SPRTN: variants seen among roughly 807,000 people sequenced by gnomAD.
SPRTN encodes the protein SprT-like N-terminal domain, also known as DNA-dependent metalloprotease SPRTN.
Under a neutral mutation model 31.9 loss-of-function variants are expected in SPRTN, and 11 were observed. The ratio of observed to expected loss-of-function variants is 0.34; its 90% CI spans 0.22 to 0.57. The LOEUF (loss-of-function observed/expected upper bound fraction) is 0.57, where lower values mean the gene tolerates loss of function less well. Among genes scored for constraint, SPRTN ranks in the 20% least tolerant of loss-of-function variants. The pLI, the probability that SPRTN is intolerant of heterozygous loss-of-function variation, is 0.86. For synonymous variants in SPRTN, 185 were observed against 212.1 expected, an observed-to-expected ratio of 0.87 and a Z score of 1.11; for missense variants, 482 against 590.1, an observed-to-expected ratio of 0.82 and a Z score of 1.90.
intron 2 of SPRTN, among the ~76,000 whole-genome samples, chr1:231,346,054 A>G (rs1363605843): frequency 1.3e-5 from 2 of 151,902 alleles, no homozygotes; most frequent in African/African-American, 2.4e-5. Flanking sequence ...GCCTCGAGCA[A>G]TCCTCCCACC....
chr1:231,340,324 G>A (rs976799703), intron 2 of SPRTN, among the ~76,000 whole-genome samples: 7 of 152,248 alleles, frequency 4.6e-5, no homozygotes, highest in East Asian at 3.9e-4. Context: ...CCGAGATCGC[G>A]CCACTGCACT....
chr1:231,347,682 T>A, intron 2 of SPRTN, 115 bp from the exon 3 acceptor site: 8 of 1,269,748 alleles, frequency 6.3e-6, no homozygotes, highest in Non-Finnish European at 8.5e-6. Context: ...GTTTTATCAG[T>A]TCTGAAGGAA....
At position 231,354,353 on chromosome 1, in the gene SPRTN, C is replaced by T; in HGVS notation, c.*992C>T. On this transcript the variant is annotated 3_prime_UTR_variant, in exon 5 of 5. Transcript: ENST00000295050. ...GTGGCTGTACATGCTGTTGGCATAG[C>T]CCTAACACAGTTGTTCACAAGTTTT... The T allele has an allele frequency of 1.6e-5, 16 of 985,232 alleles. No individual in the cohort carries two copies. The highest frequency in any genetic ancestry group is 1.9e-5 in the Non-Finnish European group (16 of 829,798). 61.0% of individuals were successfully genotyped at this position (985,232 alleles called of 1,614,324 possible). A position where few individuals can be genotyped will look rare whatever the true frequency, so the allele number is the denominator to read the frequency against.
At chr1:231,349,903 T>G (rs566565856) in intron 3 of SPRTN, among the ~76,000 whole-genome samples, 48 of 152,206 alleles carry the variant, frequency 3.2e-4, no homozygotes, top group African/African-American at 1.1e-3. Context: ...TCGCGGCTAC[T>G]CGAGAGGCAG....
At chr1:231,350,186 T>G (rs1192511592) in intron 3 of SPRTN, among the ~76,000 whole-genome samples, 1 of 152,238 alleles carries the variant, frequency 6.6e-6, no homozygotes, top group Non-Finnish European at 1.5e-5. Flanking sequence ...CAAGTAGAAA[T>G]TTTTTGCTTA....
intron 2 of SPRTN, among the ~76,000 whole-genome samples, chr1:231,346,644 T>C (rs531553811): frequency 3.5e-4 from 53 of 152,302 alleles, no homozygotes; most frequent in African/African-American, 1.2e-3. Flanking sequence ...TTTTTTCCTA[T>C]AGAATTTTAA....
In SPRTN at chr1:231,351,210, A is replaced by T; in HGVS notation, c.451-94A>T. ...TCTGGGAAAGTTTCAAAAATTAAAA[A>T]AAAAAAAAAAAAAAAAAAAGACTGC... On this transcript the variant is annotated intron_variant, in intron 3 of 4. Coordinates refer to ENST00000295050, the MANE Select transcript of SPRTN (RefSeq NM_032018.7). 31 of 884,296 alleles carry T rather than the reference A, an allele frequency of 3.5e-5. No individual in the cohort carries two copies. The African/African-American group carries it at 4.6e-4, about 13-fold the overall frequency. 54.8% of individuals were successfully genotyped at this position (884,296 alleles called of 1,614,324 possible).
Position 231,338,299 on chromosome 1 carries a change from G to T in SPRTN, c.-85G>T. The stretch of plus-strand genomic sequence containing the variant: ...CCGGCATCTCCTAGGAGCTAGTCCT[G>T]GTCCTCGGCTAGGCGGCTTGGGGTC... On this transcript the variant is annotated 5_prime_UTR_variant, in exon 1 of 5. Coordinates refer to ENST00000295050, the MANE Select transcript of SPRTN (RefSeq NM_032018.7). 1 of 1,461,904 alleles carries T rather than the reference G, an allele frequency of 6.8e-7. No homozygotes were observed. The highest frequency in any genetic ancestry group is 9.4e-7 in the Non-Finnish European group (1 of 1,060,892). 90.6% of individuals were successfully genotyped at this position (1,461,904 alleles called of 1,614,324 possible).
At chr1:231,339,935 C>T (rs1476563039) in intron 2 of SPRTN, 67 bp downstream of exon 2, 2 of 1,461,110 alleles carry the variant, frequency 1.4e-6, no homozygotes, top group African/African-American at 2.8e-5. Flanking sequence ...ATTTAGACTG[C>T]TGTGAATTCG....
chr1:231,343,692 C>G (rs1686970200), intron 2 of SPRTN, among the ~76,000 whole-genome samples: 1 of 152,082 alleles, frequency 6.6e-6, no homozygotes, highest in Non-Finnish European at 1.5e-5. Flanking sequence ...GAGCCTGTCC[C>G]AGGTCTCATG....
At chr1:231,352,136 A>C (rs1469639207) in intron 4 of SPRTN, 1 of 989,366 alleles carries the variant, frequency 1.0e-6, no homozygotes, top group Non-Finnish European at 1.2e-6. Flanking sequence ...AGAGTTACTG[A>C]AGATGCTTCT....
chr1:231,341,146 A>G (rs1686876223), intron 2 of SPRTN, among the ~76,000 whole-genome samples: 1 of 151,820 alleles, frequency 6.6e-6, no homozygotes, highest in African/African-American at 2.4e-5. Context: ...TAAGTGGACT[A>G]AACACTCCAT....
chr1:231,351,050 T>A (rs1484614754), intron 3 of SPRTN, among the ~76,000 whole-genome samples: 1 of 152,042 alleles, frequency 6.6e-6, no homozygotes, highest in Non-Finnish European at 1.5e-5. Flanking sequence ...GATTTTTTTG[T>A]CCTCTAATCC....
chr1:231,353,339 T>A lies in SPRTN; in HGVS notation c.1448T>A (p.Val483Asp). 4 of 1,588,170 alleles carry A rather than the reference T, an allele frequency of 2.5e-6. No individual in the cohort carries two copies. The highest frequency in any genetic ancestry group is 3.4e-6 in the Non-Finnish European group (4 of 1,171,596). ...DWCLEGDSIK[V>D]KSEESL ...TGCCTTGAAGGTGACAGCATCAAAG[T>A]CAAAAGCGAAGAAAGTCTTTGAAAA... Residue 483 changes from valine (V) to aspartate (D), a missense_variant, in exon 5 of 5, where the codon GTC becomes GAC. By Grantham distance (152) the Val-to-Asp change is radical. This residue lies in a region of SPRTN where 325 missense variants were observed against 350.2 expected (regional missense o/e 0.93). Coordinates refer to ENST00000295050, the MANE Select transcript of SPRTN (RefSeq NM_032018.7).
chr1:231,342,739 A>ATTT (rs200493096), intron 2 of SPRTN, among the ~76,000 whole-genome samples: 1 of 130,622 alleles, frequency 7.7e-6, no homozygotes, highest in Non-Finnish European at 1.7e-5. Flanking sequence ...GACTATATTT[A>ATTT]TTTATTTTTT....
Position 231,353,479 on chromosome 1 carries a change from A to G in SPRTN, c.*118A>G. ...AGGTTATAATCTAGTTCACATAACCAATAGAAAGTGTCCTATTTTATATAT... is the reference window on the plus strand; with the variant it reads ...AGGTTATAATCTAGTTCACATAACCGATAGAAAGTGTCCTATTTTATATAT... On this transcript the variant is annotated 3_prime_UTR_variant, in exon 5 of 5. Transcript: ENST00000295050. 7.0e-7 allele frequency: 1 copy of G among 1,427,216 alleles called. No homozygotes were observed. The highest frequency in any genetic ancestry group is 9.1e-7 in the Non-Finnish European group (1 of 1,098,704). The allele number at this position is 1,427,216 out of a possible 1,614,324, so 88.4% of individuals were successfully genotyped here. A position where few individuals can be genotyped will look rare whatever the true frequency, so the allele number is the denominator to read the frequency against.
chr1:231,340,895 A>G (rs1686865986), intron 2 of SPRTN, among the ~76,000 whole-genome samples: 1 of 152,144 alleles, frequency 6.6e-6, no homozygotes, highest in Non-Finnish European at 1.5e-5. Context: ...GAGATGAGAG[A>G]TGCTGTTTTT....
rs1687344941 is a variant in SPRTN at position 231,354,820 on chromosome 1, A to C, written c.*1459A>C. The C allele has an allele frequency of 6.2e-6, 1 of 162,552 alleles. No homozygotes were observed. Among genetic ancestry groups the C allele is most frequent in the Admixed American group, 6.5e-5 (1 of 15,300 alleles). The allele number at this position is 162,552 out of a possible 1,614,324, so 10.1% of individuals were successfully genotyped here. A position where few individuals can be genotyped will look rare whatever the true frequency, so the allele number is the denominator to read the frequency against. ...TGTTGGGTATATATACAGGAATGGA[A>C]TTGCTGAGTCACGGGGTATATTTCT... is the stretch of plus-strand genomic sequence containing the variant. On this transcript the variant is annotated 3_prime_UTR_variant, in exon 5 of 5. Transcript: ENST00000295050.
chr1:231,352,720 G>A lies in SPRTN; in HGVS notation c.829G>A (p.Ala277Thr). ...PSPGKLITSH[A>T]INKTQDLLNQ... ...ACCTGGGAAACTGATCACTTCACAT[G>A]CCATTAATAAAACCCAAGATCTTTT... Residue 277 changes from alanine (A) to threonine (T), a missense_variant, in exon 5 of 5, where the codon GCC becomes ACC. Ala to Thr is a moderately conservative substitution (Grantham distance 58, BLOSUM62 0). This residue lies in a region of SPRTN where 325 missense variants were observed against 350.2 expected (regional missense o/e 0.93). Coordinates refer to ENST00000295050, the MANE Select transcript of SPRTN (RefSeq NM_032018.7). 1 of 1,614,072 alleles carries A rather than the reference G, an allele frequency of 6.2e-7. No individual in the cohort carries two copies. Among genetic ancestry groups the A allele is most frequent in the East Asian group, 2.2e-5 (1 of 44,868 alleles).
Sources: allele counts gnomAD v4.1 joint callset (sites outside exome capture counted in the v4.1 genomes callset), GRCh38; gene constraint gnomAD v4.1.1; regional missense constraint gnomAD v4.1.1; transcripts MANE v1.5; gene names NCBI Gene and HGNC (gene_info 2026-07-23, HGNC 2026-07-21).